Variants in FNIP1 observed in about 807,000 individuals in gnomAD.
The protein encoded by FNIP1 is folliculin-interacting protein 1.
A neutral mutation model predicts 124.5 loss-of-function variants in FNIP1; 40 were observed. That is an observed-to-expected ratio of 0.32 (90% confidence interval 0.25 to 0.42). The LOEUF is 0.42. FNIP1 is among the 10% of genes least tolerant of loss of function. The pLI is 1.00. For missense variants in FNIP1, 1,176 were observed against 1,403.7 expected, an observed-to-expected ratio of 0.84 and a Z score of 2.59; for synonymous variants, 472 against 470.6, an observed-to-expected ratio of 1.00 and a Z score of -0.04.
intron 11 of FNIP1, among the ~76,000 whole-genome samples, chr5:131,693,295 TAC>T (rs1768546873): frequency 6.1e-5 from 2 of 32,950 alleles, no homozygotes; most frequent in Admixed American, 3.3e-4. Flanking sequence ...GCTAAATATA[TAC>T]ATATATATAT....
intron 1 of FNIP1, among the ~76,000 whole-genome samples, chr5:131,778,077 T>C (rs910810982): frequency 4.6e-5 from 7 of 152,186 alleles, no homozygotes; most frequent in African/African-American, 1.7e-4. Context: ...TTTCTGGTAC[T>C]TTCTGTTTTT....
intron 2 of FNIP1, 143 bp from the exon 3 acceptor site, chr5:131,731,181 A>G: frequency 2.8e-6 from 2 of 704,140 alleles, no homozygotes; most frequent in Non-Finnish European, 4.5e-6. Context: ...ATTTTGCTGT[A>G]TTTTCTCCAG....
intron 15 of FNIP1, among the ~76,000 whole-genome samples, chr5:131,661,742 G>T (rs1767444274): frequency 6.6e-6 from 1 of 152,166 alleles, no homozygotes; most frequent in African/African-American, 2.4e-5. Context: ...GCAGCTGAGG[G>T]AAAGGGAAAT....
intron 15 of FNIP1, among the ~76,000 whole-genome samples, chr5:131,656,255 A>G (rs1303140884): frequency 6.6e-6 from 1 of 152,142 alleles, no homozygotes; most frequent in Non-Finnish European, 1.5e-5. Context: ...TACAAGAAAA[A>G]CTTGAATGGC....
At chr5:131,755,738 G>A (rs2149568700) in intron 1 of FNIP1, among the ~76,000 whole-genome samples, 1 of 152,214 alleles carries the variant, frequency 6.6e-6, no homozygotes, top group South Asian at 2.1e-4. Flanking sequence ...GCCAGGCACG[G>A]TGGCTCATGT....
intron 14 of FNIP1, among the ~76,000 whole-genome samples, chr5:131,671,034 T>C (rs935245334): frequency 6.6e-6 from 1 of 152,174 alleles, no homozygotes; most frequent in Non-Finnish European, 1.5e-5. Flanking sequence ...AACAAAACAA[T>C]TAAATGCCTC....
At chr5:131,659,341 C>T (rs1767328152) in intron 15 of FNIP1, among the ~76,000 whole-genome samples, 1 of 152,238 alleles carries the variant, frequency 6.6e-6, no homozygotes, top group Admixed American at 6.5e-5. Flanking sequence ...GGAAGAGCGC[C>T]TCAGGGCAGC....
intron 1 of FNIP1, among the ~76,000 whole-genome samples, chr5:131,757,959 CAT>C (rs967192932): frequency 3.9e-5 from 6 of 152,280 alleles, no homozygotes; most frequent in South Asian, 2.1e-4. Flanking sequence ...TCTGGGAAGA[CAT>C]GTGTACTTCT....
chr5:131,711,497 C>T (rs1769290007), intron 6 of FNIP1, among the ~76,000 whole-genome samples: 1 of 152,152 alleles, frequency 6.6e-6, no homozygotes, highest in Non-Finnish European at 1.5e-5. Flanking sequence ...TTGCATGTTT[C>T]TTCTTTCCTT....
chr5:131,791,130 T>C (rs1265401252), intron 1 of FNIP1, among the ~76,000 whole-genome samples: 3 of 152,234 alleles, frequency 2.0e-5, no homozygotes, highest in Admixed American at 6.5e-5. Flanking sequence ...TCATTACCAA[T>C]TACTTTGGAA....
intron 2 of FNIP1, among the ~76,000 whole-genome samples, chr5:131,739,401 T>C (rs1770430259): frequency 1.3e-5 from 2 of 152,168 alleles, no homozygotes; most frequent in Non-Finnish European, 2.9e-5. Context: ...ACATGGCTAA[T>C]TGTCTCAACA....
At chr5:131,772,559 C>A (rs973450220) in intron 1 of FNIP1, among the ~76,000 whole-genome samples, 2 of 152,070 alleles carry the variant, frequency 1.3e-5, no homozygotes, top group Admixed American at 1.3e-4. Flanking sequence ...CTAAGTACAA[C>A]TAAATTTCTC....
chr5:131,657,640 A>G (rs934201203), intron 15 of FNIP1, among the ~76,000 whole-genome samples: 5 of 151,772 alleles, frequency 3.3e-5, no homozygotes, highest in African/African-American at 9.7e-5. Flanking sequence ...GCCTGAAACA[A>G]TAACTTCCAG....
chr5:131,714,826 G>A (rs183605254), intron 6 of FNIP1, among the ~76,000 whole-genome samples: 8 of 152,244 alleles, frequency 5.3e-5, no homozygotes, highest in Non-Finnish European at 1.0e-4. Context: ...ATAGTATACT[G>A]TAATTGTTGT....
chr5:131,778,919 T>C (rs1161834916), intron 1 of FNIP1, among the ~76,000 whole-genome samples: 4 of 118,268 alleles, frequency 3.4e-5, no homozygotes, highest in Non-Finnish European at 6.9e-5. Context: ...CACCGCATAT[T>C]CTCACTCATA....
intron 10 of FNIP1, among the ~76,000 whole-genome samples, 172 bp downstream of exon 10, chr5:131,703,893 T>C (rs139062918): frequency 1.3e-5 from 2 of 152,338 alleles, no homozygotes; most frequent in East Asian, 3.9e-4. Context: ...TTATATCTTT[T>C]ACTAGACAGT....
chr5:131,664,777 T>C (rs1767545464), intron 15 of FNIP1, among the ~76,000 whole-genome samples: 1 of 151,398 alleles, frequency 6.6e-6, no homozygotes, highest in South Asian at 2.1e-4. Flanking sequence ...TTAACTATTA[T>C]GTAACAAAAG....
rs778761746 is a variant in FNIP1, at chr5:131,671,852, G to A, written c.2592C>T (p.Cys864=). Reference sequence around the variant, plus strand: ...ATATTTTTGAAAACTCTAACATACAGCAATGGTCTTTACTATCTGTACTTG... The same window carrying A: ...ATATTTTTGAAAACTCTAACATACAACAATGGTCTTTACTATCTGTACTTG... The part of the protein sequence containing the change: ...FKTSTDSKDH[C]CMLEFSKILC... Residue 864 remains cysteine, a synonymous_variant, in exon 14 of 18, where the codon TGC becomes TGT. Coordinates refer to ENST00000510461, the MANE Select transcript of FNIP1 (RefSeq NM_133372.3). The A allele has an allele frequency of 2.4e-5, 38 of 1,613,860 alleles. No homozygotes were observed. In the Middle Eastern group the frequency reaches 8.2e-4, roughly 35 times the overall value.
chr5:131,784,433 G>C (rs1391887102), intron 1 of FNIP1, among the ~76,000 whole-genome samples: 1 of 152,058 alleles, frequency 6.6e-6, no homozygotes, highest in Admixed American at 6.5e-5. Flanking sequence ...AAGGAGAAGG[G>C]TATGTATGTG....
Sources: gnomAD v4.1 joint callset for allele counts (sites outside exome capture counted in the v4.1 genomes callset) on GRCh38, gnomAD v4.1.1 for gene constraint, MANE v1.5 for transcripts, NCBI Gene and HGNC (gene_info 2026-07-23, HGNC 2026-07-21) for gene names.